Variants in GPD2 observed in about 807,000 individuals in gnomAD.
GPD2 encodes glycerol-3-phosphate dehydrogenase 2, also known as glycerol-3-phosphate dehydrogenase, mitochondrial.
In GPD2, 54 loss-of-function variants were observed where a neutral mutation model predicts 82.4. The observed-to-expected ratio is 0.66, with a 90% CI of 0.53 to 0.82. The LOEUF (loss-of-function observed/expected upper bound fraction) is 0.82. Among genes scored for constraint, GPD2 ranks in the 40% least tolerant of loss-of-function variants. The probability of loss-of-function intolerance (pLI) is 0.00; values close to 1 mark genes in which losing one functional copy is unlikely to be tolerated. For missense variants in GPD2, 748 were observed against 896.2 expected (o/e 0.83, Z 2.11); for synonymous variants, 288 against 306.1 (o/e 0.94, Z 0.62).
intron 9 of GPD2, among the ~76,000 whole-genome samples, chr2:156,560,110 A>G (rs1027613242): frequency 6.6e-6 from 1 of 152,246 alleles, no homozygotes; most frequent in African/African-American, 2.4e-5. Flanking sequence ...GTTCAAATGC[A>G]GCGAGGATGA....
At chr2:156,448,555 A>ATGC (rs1444334955) in intron 1 of GPD2, among the ~76,000 whole-genome samples, 2 of 152,238 alleles carry the variant, frequency 1.3e-5, no homozygotes, top group Non-Finnish European at 2.9e-5. Context: ...TAAGAGTTGT[A>ATGC]TGCATACTTT....
At chr2:156,400,284 C>T in the GPD2 span, among the ~76,000 whole-genome samples, 1 of 152,216 alleles carries the variant, frequency 6.6e-6, no homozygotes, top group Non-Finnish European at 1.5e-5. Flanking sequence ...ATGAACCAGT[C>T]TCCATGAGCA....
chr2:156,424,295 G>A, the GPD2 span, among the ~76,000 whole-genome samples: 2 of 152,142 alleles, frequency 1.3e-5, no homozygotes, highest in African/African-American at 4.8e-5. Context: ...CAATAGTAAT[G>A]TTTCCTGAAG....
chr2:156,427,069 A>G, the GPD2 span, among the ~76,000 whole-genome samples: 2 of 152,246 alleles, frequency 1.3e-5, no homozygotes, highest in South Asian at 4.1e-4. Flanking sequence ...TATATGGCCC[A>G]TCAGAGTTAT....
chr2:156,462,961 TAA>T (rs906298160), intron 1 of GPD2, among the ~76,000 whole-genome samples: 1 of 152,100 alleles, frequency 6.6e-6, no homozygotes, highest in Non-Finnish European at 1.5e-5. Flanking sequence ...TCCTAGAACT[TAA>T]AGTATTAAAA....
At chr2:156,534,160 C>T (rs1440778861) in intron 6 of GPD2, among the ~76,000 whole-genome samples, 1 of 152,140 alleles carries the variant, frequency 6.6e-6, no homozygotes, top group African/African-American at 2.4e-5. Flanking sequence ...ATATGAACTT[C>T]GCCTGGAGTT....
intron 3 of GPD2, among the ~76,000 whole-genome samples, chr2:156,502,392 A>C (rs1452409340): frequency 6.6e-6 from 1 of 152,098 alleles, no homozygotes. Flanking sequence ...AATAGCAAAC[A>C]GACAGGGTTT....
At chr2:156,574,613 T>C (rs1687751998) in intron 13 of GPD2, among the ~76,000 whole-genome samples, 1 of 152,078 alleles carries the variant, frequency 6.6e-6, no homozygotes, top group South Asian at 2.1e-4. Flanking sequence ...TCAAAATTGA[T>C]TCCAATGAGG....
At chr2:156,503,389 A>T (rs1180639798) in intron 3 of GPD2, among the ~76,000 whole-genome samples, 2 of 152,154 alleles carry the variant, frequency 1.3e-5, no homozygotes, top group Non-Finnish European at 2.9e-5. Flanking sequence ...GTTACATTTC[A>T]AGTCCATTGA....
At chr2:156,577,235 A>G (rs1687854739) in intron 13 of GPD2, among the ~76,000 whole-genome samples, 1 of 152,150 alleles carries the variant, frequency 6.6e-6, no homozygotes, top group Non-Finnish European at 1.5e-5. Flanking sequence ...TAATCCCAGC[A>G]CTTTGGAAAG....
At chr2:156,501,260 T>C (rs1390793547) in intron 3 of GPD2, among the ~76,000 whole-genome samples, 3 of 152,202 alleles carry the variant, frequency 2.0e-5, no homozygotes, top group Admixed American at 1.3e-4. Context: ...AAAATATTAA[T>C]TGTAGTTCTC....
chr2:156,576,999 G>A (rs1485902914), intron 13 of GPD2, among the ~76,000 whole-genome samples: 3 of 152,118 alleles, frequency 2.0e-5, no homozygotes. Context: ...TCACAGACAA[G>A]TTTTGTATAT....
At chr2:156,489,677 TTTCCTTCCTTCTTCCTTCCTTCCTTCC>T in intron 2 of GPD2, among the ~76,000 whole-genome samples, 1 of 150,922 alleles carries the variant, frequency 6.6e-6, no homozygotes, top group Non-Finnish European at 1.5e-5. Context: ...CATAGAGTTT[TTTCCTTCCTTCTTCCTTCCTTCCTTCC>T]TTCCTTCCTT....
intron 1 of GPD2, among the ~76,000 whole-genome samples, chr2:156,451,234 G>A (rs1682556125): frequency 1.3e-5 from 2 of 152,016 alleles, no homozygotes; most frequent in African/African-American, 4.8e-5. Context: ...CTCCCAGTAG[G>A]GGTGGCCGGG....
chr2:156,419,570 C>A, the GPD2 span, among the ~76,000 whole-genome samples: 1 of 152,202 alleles, frequency 6.6e-6, no homozygotes, highest in Non-Finnish European at 1.5e-5. Flanking sequence ...TCATTGGGAT[C>A]TCTTCCACTT....
At chr2:156,536,805 G>A (rs1010000046) in intron 6 of GPD2, among the ~76,000 whole-genome samples, 2 of 152,194 alleles carry the variant, frequency 1.3e-5, no homozygotes, top group Non-Finnish European at 2.9e-5. Context: ...TCATCAGTAC[G>A]TGGGATCTGA....
At chr2:156,445,798 A>G (rs929175029) in intron 1 of GPD2, among the ~76,000 whole-genome samples, 26 of 152,190 alleles carry the variant, frequency 1.7e-4, no homozygotes, top group African/African-American at 6.0e-4. Flanking sequence ...TCAAACTTTC[A>G]GCATTTTCTT....
intron 1 of GPD2, among the ~76,000 whole-genome samples, chr2:156,472,493 T>C (rs1383150062): frequency 2.0e-5 from 3 of 152,078 alleles, no homozygotes; most frequent in Non-Finnish European, 2.9e-5. Context: ...GGCTAATTTT[T>C]GTATTTTTAG....
the GPD2 span, among the ~76,000 whole-genome samples, chr2:156,406,151 T>C: frequency 6.6e-6 from 1 of 152,168 alleles, no homozygotes; most frequent in African/African-American, 2.4e-5. Flanking sequence ...GCCAGTCATT[T>C]GGATTGCCCT....
Sources: allele counts gnomAD v4.1 joint callset (sites outside exome capture counted in the v4.1 genomes callset), GRCh38; gene constraint gnomAD v4.1.1; transcripts MANE v1.5; gene names NCBI Gene and HGNC (gene_info 2026-07-23, HGNC 2026-07-21).